ZNF438: variants seen among roughly 807,000 people sequenced by gnomAD.
The protein encoded by ZNF438 is zinc finger protein 438.
ZNF438 carries 25 observed loss-of-function variants against 38.0 expected under a neutral mutation model. The observed-to-expected ratio is 0.66, with a 90% CI of 0.48 to 0.92. The LOEUF (loss-of-function observed/expected upper bound fraction) is 0.92, where lower values mean the gene tolerates loss of function less well. Among genes scored for constraint, ZNF438 ranks in the 40% least tolerant of loss-of-function variants. The pLI is 0.00. For synonymous variants in ZNF438, 372 were observed against 364.1 expected, an observed-to-expected ratio of 1.02 and a Z score of -0.25; for missense variants, 1,007 against 999.6, an observed-to-expected ratio of 1.01 and a Z score of -0.10.
intron 1 of ZNF438, among the ~76,000 whole-genome samples, chr10:30,944,957 G>T (rs1025587581): frequency 6.7e-6 from 1 of 150,144 alleles, no homozygotes; most frequent in Non-Finnish European, 1.5e-5. Context: ...TCTTAGTAGG[G>T]GTTTATCAGT....
At chr10:31,008,887 T>C (rs2055393786) in intron 1 of ZNF438, among the ~76,000 whole-genome samples, 1 of 152,204 alleles carries the variant, frequency 6.6e-6, no homozygotes, top group Non-Finnish European at 1.5e-5. Context: ...CTACCAGCAA[T>C]GTATGGAGCG....
chr10:30,962,634 C>T (rs1290875832), intron 1 of ZNF438, among the ~76,000 whole-genome samples: 4 of 147,206 alleles, frequency 2.7e-5, no homozygotes, highest in Non-Finnish European at 4.6e-5. Context: ...CCTTTAATCA[C>T]GGATCACTTA....
At chr10:30,917,308 T>C (rs1178332819) in intron 2 of ZNF438, among the ~76,000 whole-genome samples, 1 of 152,146 alleles carries the variant, frequency 6.6e-6, no homozygotes, top group East Asian at 1.9e-4. Flanking sequence ...GCACATATAT[T>C]ATGTATGTAC....
At chr10:30,926,604 T>C (rs974772042) in intron 2 of ZNF438, among the ~76,000 whole-genome samples, 22 of 151,430 alleles carry the variant, frequency 1.5e-4, no homozygotes, top group Admixed American at 1.3e-3. Context: ...AGGCAGAGGT[T>C]GCAGTGAGCC....
At chr10:30,877,795 T>C (rs377350415) in intron 3 of ZNF438, among the ~76,000 whole-genome samples, 1 of 152,194 alleles carries the variant, frequency 6.6e-6, no homozygotes, top group East Asian at 1.9e-4. Flanking sequence ...GAAGTAAATT[T>C]TTTTATAAGT....
intron 2 of ZNF438, among the ~76,000 whole-genome samples, chr10:30,927,199 T>C (rs1036738335): frequency 6.6e-6 from 1 of 152,168 alleles, no homozygotes; most frequent in Non-Finnish European, 1.5e-5. Flanking sequence ...ACAAGATAGG[T>C]CAAAAGCCAT....
In ZNF438 at chr10:30,974,823, C is replaced by T. The variant is rs116670190; in HGVS notation, c.-191-33172G>A. Among the ~76,000 whole-genome samples the T allele has an allele frequency of 3.8e-3, 572 of 152,288 alleles. 8 individuals carry two copies. The highest frequency in any genetic ancestry group is 0.013 in the African/African-American group (538 of 41,542). On this transcript the variant is annotated intron_variant, in intron 1 of 5. Transcript: ENST00000413025. ...GAGTCAGATTCCTCATTTAATAAAT[C>T]TAGTCTGAGACTCACAAAAGTTAAA...
intron 1 of ZNF438, among the ~76,000 whole-genome samples, chr10:31,027,886 A>G (rs2057043062): frequency 1.3e-5 from 2 of 152,318 alleles, no homozygotes; most frequent in Admixed American, 1.3e-4. Flanking sequence ...AAATTCTGAA[A>G]TTAACCATAA....
intron 1 of ZNF438, among the ~76,000 whole-genome samples, chr10:30,942,194 G>A (rs1487421941): frequency 6.6e-6 from 1 of 152,208 alleles, no homozygotes; most frequent in East Asian, 1.9e-4. Flanking sequence ...AAGAGAAAGA[G>A]AGAAATGGGG....
At chr10:30,858,549 C>G (rs1371337615) in intron 4 of ZNF438, among the ~76,000 whole-genome samples, 1 of 152,232 alleles carries the variant, frequency 6.6e-6, no homozygotes, top group Non-Finnish European at 1.5e-5. Context: ...ATGGAGCATG[C>G]ACTGTAAAAC....
At chr10:30,923,985 T>C (rs967900955) in intron 2 of ZNF438, among the ~76,000 whole-genome samples, 5 of 152,244 alleles carry the variant, frequency 3.3e-5, no homozygotes, top group African/African-American at 1.2e-4. Context: ...CAATAAAAGT[T>C]TGTAACTTCT....
intron 3 of ZNF438, among the ~76,000 whole-genome samples, chr10:30,901,787 C>T (rs1414405186): frequency 6.6e-6 from 1 of 152,124 alleles, no homozygotes; most frequent in African/African-American, 2.4e-5. Context: ...CGGACCCTCA[C>T]GGTGAGTGTT....
In ZNF438 at chr10:30,931,408, T is replaced by C. The variant is rs192623821; in HGVS notation, c.-115+10167A>G. Among the ~76,000 whole-genome samples, 3 of 152,354 alleles carry C rather than the reference T, an allele frequency of 2.0e-5. No individual in the cohort carries two copies. The East Asian group carries it at 5.8e-4, about 29-fold the overall frequency. On this transcript the variant is annotated intron_variant, in intron 2 of 5. Coordinates refer to ENST00000413025, the Ensembl canonical transcript of ZNF438. The stretch of plus-strand genomic sequence containing the variant: ...ATAAACTGGTTTGAGCTGGCTTTCT[T>C]TCATTTGCAACTGAAGCAGTCCTGA...
chr10:30,874,428 G>A (rs1262233021), intron 4 of ZNF438, among the ~76,000 whole-genome samples: 2 of 151,964 alleles, frequency 1.3e-5, no homozygotes, highest in Admixed American at 1.3e-4. Flanking sequence ...GGGATTACAG[G>A]TGGGAGCTGC....
chr10:30,984,987 C>T (rs1418613374), intron 1 of ZNF438, among the ~76,000 whole-genome samples: 2 of 152,044 alleles, frequency 1.3e-5, no homozygotes, highest in African/African-American at 4.8e-5. Context: ...TATGCTAAGA[C>T]TTACTTGTAC....
intron 1 of ZNF438, among the ~76,000 whole-genome samples, chr10:30,997,616 G>C (rs2054187962): frequency 6.7e-6 from 1 of 150,192 alleles, no homozygotes; most frequent in African/African-American, 2.5e-5. Flanking sequence ...GAAGGGCCAT[G>C]AATCTTGACT....
chr10:30,991,926 A>G (rs1238082786), intron 1 of ZNF438, among the ~76,000 whole-genome samples: 3 of 152,196 alleles, frequency 2.0e-5, no homozygotes, highest in Non-Finnish European at 4.4e-5. Flanking sequence ...TGGCTGAACA[A>G]TAAGCTCTTC....
At chr10:30,933,259 T>C (rs1443736117) in intron 2 of ZNF438, among the ~76,000 whole-genome samples, 1 of 152,216 alleles carries the variant, frequency 6.6e-6, no homozygotes, top group Admixed American at 6.5e-5. Flanking sequence ...TTACAACCTA[T>C]AATGTAAAAG....
At position 30,853,886 on chromosome 10, in the gene ZNF438, T is replaced by A. The variant is rs191930435; in HGVS notation, c.38-3519A>T. On this transcript the variant is annotated intron_variant, in intron 4 of 5. Transcript: ENST00000413025. ...GGCAAGTGCCTGTAATCCCAGCTAC[T>A]TGGGAGGCTGAGGCAGGGGAACTGC... Among the ~76,000 whole-genome samples, 174 of 152,192 alleles carry A rather than the reference T, an allele frequency of 1.1e-3. 1 individual carries two copies. The highest frequency in any genetic ancestry group is 4.0e-3 in the African/African-American group (166 of 41,522).
Sources: gnomAD v4.1 joint callset for allele counts (sites outside exome capture counted in the v4.1 genomes callset) on GRCh38, gnomAD v4.1.1 for gene constraint, MANE v1.5 for transcripts, NCBI Gene and HGNC (gene_info 2026-07-23, HGNC 2026-07-21) for gene names.